GREM1: variants seen among roughly 807,000 people sequenced by gnomAD.
The protein encoded by GREM1 is gremlin-1.
In GREM1, 6 loss-of-function variants were observed where a neutral mutation model predicts 13.1. The observed-to-expected ratio is 0.46, with a 90% CI of 0.25 to 0.91. The LOEUF (loss-of-function observed/expected upper bound fraction) is 0.91, where lower values mean the gene tolerates loss of function less well. Among genes scored for constraint, GREM1 ranks in the 40% least tolerant of loss-of-function variants. GREM1 has a pLI of 0.18. For synonymous variants in GREM1, 98 were observed against 93.7 expected (o/e 1.05, Z -0.27); for missense variants, 185 against 233.9 (o/e 0.79, Z 1.36).
intron 1 of GREM1, among the ~76,000 whole-genome samples, chr15:32,727,421 A>G (rs2140682446): frequency 6.6e-6 from 1 of 152,340 alleles, no homozygotes; most frequent in South Asian, 2.1e-4. Context: ...AGATGCAGAA[A>G]AGGCCTTCGA....
chr15:32,726,389 A>G (rs1214169041), intron 1 of GREM1, among the ~76,000 whole-genome samples: 2 of 152,190 alleles, frequency 1.3e-5, no homozygotes, highest in African/African-American at 4.8e-5. Flanking sequence ...CTGCTCCTGA[A>G]TGACTACTGG....
At position 32,718,132 on chromosome 15, in the gene GREM1, G is replaced by A. The variant is rs554003696; in HGVS notation, c.-31G>A. On this transcript the variant is annotated 5_prime_UTR_variant, in exon 1 of 2. Transcript: ENST00000651154. ...GCACTCAGCGCCACGCGTCGAAAGC[G>A]CAGGCCCCGAGGACCCGCCGCACTG... 7.9e-5 allele frequency: 102 copies of A among 1,299,108 alleles called. 1 individual carries two copies. The East Asian group carries it at 3.5e-3, about 45-fold the overall frequency. The allele number at this position is 1,299,108 out of a possible 1,614,324, so 80.5% of individuals were successfully genotyped here. A position where few individuals can be genotyped will look rare whatever the true frequency, so the allele number is the denominator to read the frequency against.
chr15:32,718,649 C>T (rs1375558436), intron 1 of GREM1: 4 of 362,608 alleles, frequency 1.1e-5, no homozygotes, highest in Admixed American at 7.5e-5. Context: ...CATTGGAGTC[C>T]GCGGGTTGGA....
intron 1 of GREM1, among the ~76,000 whole-genome samples, chr15:32,726,112 G>C (rs1239103146): frequency 6.6e-6 from 1 of 152,042 alleles, no homozygotes; most frequent in African/African-American, 2.4e-5. Flanking sequence ...TGGCTATATG[G>C]GCTCTTTTTT....
chr15:32,741,628 T>C lies in GREM1; in HGVS notation c.*10383T>C, dbSNP rs1378955177. The C allele has an allele frequency of 6.6e-6, 1 of 152,106 alleles. No individual in the cohort carries two copies. Among genetic ancestry groups the C allele is most frequent in the Non-Finnish European group, 1.5e-5 (1 of 67,990 alleles). 9.4% of individuals were successfully genotyped at this position (152,106 alleles called of 1,614,324 possible). On this transcript the variant is annotated 3_prime_UTR_variant, in exon 2 of 2. Transcript: ENST00000651154. ...TATGTCATCTGCAAACAGCAACAAT[T>C]TTACCCTTTGTTTTCAACGTGAGCG...
intron 1 of GREM1, among the ~76,000 whole-genome samples, chr15:32,720,690 T>C (rs1002204114): frequency 6.6e-6 from 1 of 152,252 alleles, no homozygotes; most frequent in African/African-American, 2.4e-5. Flanking sequence ...AGAAATCTTT[T>C]TATTCACATG....
rs895074328 is a variant in GREM1, at chr15:32,732,452, CTTTT to C, written c.*1209_*1212del. On this transcript the variant is annotated 3_prime_UTR_variant, in exon 2 of 2. Coordinates refer to ENST00000651154, the MANE Select transcript of GREM1 (RefSeq NM_013372.7). ...TTTTAGCAAGAGATATTTTGGGGGT[CTTTT>C]TGTTTTAACTATTGTCAGGAGATTG... is the stretch of plus-strand genomic sequence containing the variant. 1 of 244,940 alleles carries C rather than the reference CTTTT, an allele frequency of 4.1e-6. No homozygotes were observed. Among genetic ancestry groups the C allele is most frequent in the Non-Finnish European group, 8.6e-6 (1 of 116,176 alleles). The allele number at this position is 244,940 out of a possible 1,614,324, so 15.2% of individuals were successfully genotyped here. A position where few individuals can be genotyped will look rare whatever the true frequency, so the allele number is the denominator to read the frequency against.
At chr15:32,718,890 T>C in intron 1 of GREM1, 1 of 215,032 alleles carries the variant, frequency 4.7e-6, no homozygotes, top group Non-Finnish European at 9.5e-6. Context: ...CGCTCGCTTC[T>C]CTACTCCAGC....
chr15:32,734,165 T>C lies in GREM1; in HGVS notation c.*2920T>C, dbSNP rs775897867. ...CTTGACCCAGCTGAACATGTCTTCC[T>C]GAGTCAGTGCCTGAATCTTTATTTT... On this transcript the variant is annotated 3_prime_UTR_variant, in exon 2 of 2. Transcript: ENST00000651154. The C allele has an allele frequency of 7.9e-5, 19 of 240,872 alleles. No individual in the cohort carries two copies. Among genetic ancestry groups the C allele is most frequent in the Admixed American group, 3.4e-4 (6 of 17,582 alleles). The allele number at this position is 240,872 out of a possible 1,614,324, so 14.9% of individuals were successfully genotyped here.
intron 1 of GREM1, among the ~76,000 whole-genome samples, chr15:32,725,750 T>C (rs1242671189): frequency 6.6e-6 from 1 of 152,248 alleles, no homozygotes; most frequent in East Asian, 1.9e-4. Context: ...GGTTTTCTTC[T>C]AGGATTTTTA....
At position 32,718,032 on chromosome 15, in the gene GREM1, A is replaced by C. The variant is rs2140659788; in HGVS notation, c.-131A>C. The C allele has an allele frequency of 1.8e-6, 2 of 1,120,420 alleles. No homozygotes were observed. The allele number at this position is 1,120,420 out of a possible 1,614,324, so 69.4% of individuals were successfully genotyped here. ...CGGTGCGCCTTCCGCGGACCGGGCG[A>C]CCCAGTGCACGGCCGCCGCGTCACT... On this transcript the variant is annotated 5_prime_UTR_variant, in exon 1 of 2. Transcript: ENST00000651154.
Position 32,732,353 on chromosome 15 carries a change from G to C in GREM1, c.*1108G>C, listed in dbSNP as rs893041025. ...TAATGCTTCTGAGAGCCACTAACTT[G>C]ATTGATAAAGATCCTGCCTCTGCTG... is the stretch of plus-strand genomic sequence containing the variant. On this transcript the variant is annotated 3_prime_UTR_variant, in exon 2 of 2. Coordinates refer to ENST00000651154, the MANE Select transcript of GREM1 (RefSeq NM_013372.7). 4.1e-6 allele frequency: 1 copy of C among 242,562 alleles called. No homozygotes were observed. The highest frequency in any genetic ancestry group is 8.7e-6 in the Non-Finnish European group (1 of 114,744). 15.0% of individuals were successfully genotyped at this position (242,562 alleles called of 1,614,324 possible). A position where few individuals can be genotyped will look rare whatever the true frequency, so the allele number is the denominator to read the frequency against.
Position 32,731,068 on chromosome 15 carries a change from C to T in GREM1, c.378C>T (p.Tyr126=), listed in dbSNP as rs748340321. 6.2e-7 allele frequency: 1 copy of T among 1,614,226 alleles called. No homozygotes were observed. Among genetic ancestry groups the T allele is most frequent in the South Asian group, 1.1e-5 (1 of 91,090 alleles). Residue 126 remains tyrosine, a synonymous_variant, in exon 2 of 2, where the codon TAC becomes TAT. Transcript: ENST00000651154. ...GTTACGGCCAGTGCAACTCTTTCTA[C>T]ATCCCCAGGCACATCCGGAAGGAGG... ...RFCYGQCNSF[Y]IPRHIRKEEG... is the part of the protein sequence containing the mutation.
In GREM1 at chr15:32,738,215, C is replaced by G. The variant is rs2055730248; in HGVS notation, c.*6970C>G. On this transcript the variant is annotated 3_prime_UTR_variant, in exon 2 of 2. Coordinates refer to ENST00000651154, the MANE Select transcript of GREM1 (RefSeq NM_013372.7). ...TGACATAATATTGTATGTAGAAATC[C>G]TAAGGAATTTACAAAAGAACTATTA... 1 of 146,590 alleles carries G rather than the reference C, an allele frequency of 6.8e-6. No individual in the cohort carries two copies. The highest frequency in any genetic ancestry group is 6.9e-5 in the Admixed American group (1 of 14,584). The allele number at this position is 146,590 out of a possible 1,614,324, so 9.1% of individuals were successfully genotyped here.
Position 32,744,587 on chromosome 15 carries a change from A to G in GREM1, c.*13342A>G, listed in dbSNP as rs1210597837. 1.3e-5 allele frequency: 2 copies of G among 151,672 alleles called. No homozygotes were observed. Among genetic ancestry groups the G allele is most frequent in the Non-Finnish European group, 2.9e-5 (2 of 67,950 alleles). The allele number at this position is 151,672 out of a possible 1,614,324, so 9.4% of individuals were successfully genotyped here. On this transcript the variant is annotated 3_prime_UTR_variant, in exon 2 of 2. Coordinates refer to ENST00000651154, the MANE Select transcript of GREM1 (RefSeq NM_013372.7). ...GACTCAGCTTCAAAAAAAAAAAAAAAAAAGAAAGTTTCAGATATTATTGTT... is the reference window on the plus strand; with the variant it reads ...GACTCAGCTTCAAAAAAAAAAAAAAGAAAGAAAGTTTCAGATATTATTGTT...
At chr15:32,724,128 A>G (rs1469792176) in intron 1 of GREM1, among the ~76,000 whole-genome samples, 1 of 152,262 alleles carries the variant, frequency 6.6e-6, no homozygotes, top group Non-Finnish European at 1.5e-5. Flanking sequence ...CTGTCAGACT[A>G]GATATTTACT....
In GREM1 at chr15:32,738,115, A is replaced by ACC. The variant is rs2055724547; in HGVS notation, c.*6870_*6871insCC. 2 of 88,668 alleles carry ACC rather than the reference A, an allele frequency of 2.3e-5. No homozygotes were observed. The highest frequency in any genetic ancestry group is 6.8e-5 in the African/African-American group (2 of 29,208). The allele number at this position is 88,668 out of a possible 1,614,324, so 5.5% of individuals were successfully genotyped here. ...AAAAAAAAAAAAAAAAAAAAAAAAAAAAAAAAAAAAAAAAAAAAGAAAAGA... is the reference window on the plus strand; with the variant it reads ...AAAAAAAAAAAAAAAAAAAAAAAAAACCAAAAAAAAAAAAAAAAAAGAAAAGA... On this transcript the variant is annotated 3_prime_UTR_variant, in exon 2 of 2. Coordinates refer to ENST00000651154, the MANE Select transcript of GREM1 (RefSeq NM_013372.7).
At chr15:32,724,753 A>G (rs983706592) in intron 1 of GREM1, among the ~76,000 whole-genome samples, 1 of 151,902 alleles carries the variant, frequency 6.6e-6, no homozygotes, top group African/African-American at 2.4e-5. Flanking sequence ...CCCATCATCT[A>G]CATTAGGTAT....
intron 1 of GREM1, among the ~76,000 whole-genome samples, chr15:32,721,728 T>C (rs1258192331): frequency 6.6e-6 from 1 of 152,118 alleles, no homozygotes; most frequent in Non-Finnish European, 1.5e-5. Context: ...CACTCCAGCC[T>C]GGGTGACATC....
Sources: gnomAD v4.1 joint callset for allele counts (sites outside exome capture counted in the v4.1 genomes callset) on GRCh38, gnomAD v4.1.1 for gene constraint, MANE v1.5 for transcripts, NCBI Gene and HGNC (gene_info 2026-07-23, HGNC 2026-07-21) for gene names.